TAGAP: variants seen among roughly 807,000 people sequenced by gnomAD.
TAGAP encodes T cell activation RhoGTPase activating protein.
TAGAP carries 16 observed loss-of-function variants against 36.0 expected under a neutral mutation model. The observed-to-expected ratio is 0.44, with a 90% CI of 0.30 to 0.68. TAGAP has a LOEUF of 0.68. Ranked by LOEUF, TAGAP falls within the 30% of genes least tolerant of loss-of-function variation. The pLI is 0.09. For synonymous variants in TAGAP, 372 were observed against 377.4 expected (o/e 0.99, Z 0.17); for missense variants, 794 against 921.5 (o/e 0.86, Z 1.79).
chr6:159,040,687 G>A lies in TAGAP; in HGVS notation c.587+36C>T, dbSNP rs767692384. 3.3e-6 allele frequency: 5 copies of A among 1,520,422 alleles called. No homozygotes were observed. The African/African-American group carries it at 5.5e-5, about 17-fold the overall frequency. The allele number at this position is 1,520,422 out of a possible 1,614,324, so 94.2% of individuals were successfully genotyped here. On this transcript the variant is annotated intron_variant, in intron 7 of 9. Transcript: ENST00000367066. ...TAAAGAATCAAAAGACGGAGGTGAT[G>A]TGGCCTGGCAATGACCGATGACTTT...
intron 3 of TAGAP, 32 bp from the exon 4 acceptor site, chr6:159,043,687 T>A: frequency 6.3e-7 from 1 of 1,597,428 alleles, no homozygotes; most frequent in Non-Finnish European, 8.6e-7. Context: ...TTAAATATAG[T>A]GACTGAAGAA....
chr6:159,034,609 A>G lies in TAGAP; in HGVS notation c.*1218T>C, dbSNP rs1226764049. On this transcript the variant is annotated 3_prime_UTR_variant, in exon 10 of 10. Transcript: ENST00000367066. ...AGCTCTAATACAGTACAAACATTTT[A>G]CCATTATGTTTGCCAATAATTAAGC... 1 of 152,242 alleles carries G rather than the reference A, an allele frequency of 6.6e-6. No homozygotes were observed. The highest frequency in any genetic ancestry group is 1.9e-4 in the East Asian group (1 of 5,196). 9.4% of individuals were successfully genotyped at this position (152,242 alleles called of 1,614,324 possible).
At chr6:159,039,340 A>T (rs755443532) in intron 7 of TAGAP, 31 bp from the exon 8 acceptor site, 1 of 1,602,980 alleles carries the variant, frequency 6.2e-7, no homozygotes, top group Non-Finnish European at 8.5e-7. Flanking sequence ...GTTAGTTTTC[A>T]AAAAGGCTAA....
At chr6:159,044,761 TTATAA>T in intron 1 of TAGAP, 113 bp downstream of exon 1, 1 of 393,254 alleles carries the variant, frequency 2.5e-6, no homozygotes, top group East Asian at 3.6e-5. Context: ...TCCTGAGACT[TTATAA>T]AGTGAGAGCA....
chr6:159,035,614 A>C lies in TAGAP; in HGVS notation c.*213T>G. On this transcript the variant is annotated 3_prime_UTR_variant, in exon 10 of 10. Transcript: ENST00000367066. ...GCACCTAACACCTTATCTATAATAC[A>C]TTTGATACATTTTTACATATTGCAC... The C allele has an allele frequency of 1.9e-6, 1 of 522,140 alleles. No individual in the cohort carries two copies. Among genetic ancestry groups the C allele is most frequent in the Non-Finnish European group, 3.4e-6 (1 of 294,180 alleles). The allele number at this position is 522,140 out of a possible 1,614,324, so 32.3% of individuals were successfully genotyped here.
intron 1 of TAGAP, 63 bp downstream of exon 1, chr6:159,044,815 GA>G: frequency 2.5e-6 from 1 of 397,476 alleles, no homozygotes; most frequent in Non-Finnish European, 4.4e-6. Flanking sequence ...CCTGTGATCT[GA>G]GTGACCTGTG....
Position 159,041,503 on chromosome 6 carries a change from T to C in TAGAP, c.328A>G (p.Ile110Val), listed in dbSNP as rs752195559. The C allele has an allele frequency of 1.9e-6, 3 of 1,613,732 alleles. No individual in the cohort carries two copies. Among genetic ancestry groups the C allele is most frequent in the Admixed American group, 3.3e-5 (2 of 59,924 alleles). Residue 110 changes from isoleucine (I) to valine (V), a missense_variant, in exon 6 of 10, where the codon ATT (isoleucine) becomes GTT (valine). Ile to Val is a conservative substitution (Grantham distance 29). Transcript: ENST00000367066. This position sits in a 1 kb window ranked among gnomAD's most constrained non-coding sequence, Gnocchi z 4.1. ...GTTGAAGGGCCTTTAAGGCATAGAA[T>C]AGTGAGAATGTCCTAAAGGAAACAG... ...LPRPIQDILT[I>V]LCLKGPSTEG...
In TAGAP at chr6:159,037,218, G is replaced by C. The variant is rs970895972; in HGVS notation, c.899-94C>G. ...TTTTATTTTCATTTTTTGAGATGGA[G>C]TCTCGGTTTGTTGCCCAGGCTGGAG... On this transcript the variant is annotated intron_variant, in intron 9 of 9. Coordinates refer to ENST00000367066, the MANE Select transcript of TAGAP (RefSeq NM_054114.5). This position sits in a 1 kb window ranked among gnomAD's most constrained non-coding sequence, Gnocchi z 5.1. The C allele has an allele frequency of 3.9e-5, 46 of 1,167,392 alleles. No homozygotes were observed. Among genetic ancestry groups the C allele is most frequent in the Non-Finnish European group, 1.0e-5 (9 of 882,910 alleles). The allele number at this position is 1,167,392 out of a possible 1,614,324, so 72.3% of individuals were successfully genotyped here. A position where few individuals can be genotyped will look rare whatever the true frequency, so the allele number is the denominator to read the frequency against.
Position 159,036,117 on chromosome 6 carries a change from G to A in TAGAP, c.1906C>T (p.Pro636Ser), listed in dbSNP as rs193056043. The change falls in exon 10 of 10, where the codon CCT becomes TCT. Residue 636 changes from proline to serine, a missense_variant. Physicochemically the swap from Pro to Ser is moderately conservative, Grantham distance 74. Coordinates refer to ENST00000367066, the MANE Select transcript of TAGAP (RefSeq NM_054114.5). The surrounding 1 kb of genome is among the most constrained non-coding windows in gnomAD (Gnocchi z 4.9). ...TCTACGTGGTGAGCAGGTGGAAGAG[G>A]GGGTAGGAGGCAGTGCGCCTCCAGC... ...RMLEAHCLLP[P>S]LPPAHHVEDS... 5 of 1,613,716 alleles carry A rather than the reference G, an allele frequency of 3.1e-6. No homozygotes were observed. The Admixed American group carries it at 8.3e-5, about 27-fold the overall frequency.
In TAGAP at chr6:159,039,176, T is replaced by C. The variant is rs1266580159; in HGVS notation, c.721A>G (p.Met241Val). 2.5e-6 allele frequency: 4 copies of C among 1,614,160 alleles called. No individual in the cohort carries two copies. Among genetic ancestry groups the C allele is most frequent in the South Asian group, 2.2e-5 (2 of 91,086 alleles). ...CTCTGGTCATTCTCCAGGGTGAGCA[T>C]GTTGGGTCCAATGCAGATGGCCAGA... Reference protein sequence around the residue: ...SNLAICIGPNMLTLENDQSLS... With the variant: ...SNLAICIGPNVLTLENDQSLS... The change falls in exon 8 of 10, where the codon ATG (methionine) becomes GTG (valine). Residue 241 changes from methionine (M) to valine (V), a missense_variant. Transcript: ENST00000367066.
chr6:159,043,085 T>A (rs1229147382), intron 4 of TAGAP: 1 of 154,064 alleles, frequency 6.5e-6, no homozygotes, highest in Non-Finnish European at 1.4e-5. Context: ...CATTTCAGAT[T>A]GGCAAGTGGA....
intron 7 of TAGAP, among the ~76,000 whole-genome samples, chr6:159,040,155 C>T (rs1779695883): frequency 6.6e-6 from 1 of 152,226 alleles, no homozygotes; most frequent in African/African-American, 2.4e-5. Context: ...TAACAGATCA[C>T]ACTTTCCATT....
intron 8 of TAGAP, chr6:159,038,826 TG>T: frequency 9.5e-7 from 1 of 1,054,780 alleles, no homozygotes; most frequent in South Asian, 1.9e-5. Flanking sequence ...TGATAGACTG[TG>T]GTGTACAAAA....
chr6:159,044,337 A>G, intron 1 of TAGAP, 133 bp from the exon 2 acceptor site: 1 of 564,364 alleles, frequency 1.8e-6, no homozygotes. Flanking sequence ...ACTTGCCTTT[A>G]CTTTGGAAAA....
chr6:159,042,377 A>G, intron 4 of TAGAP, 133 bp from the exon 5 acceptor site: 1 of 1,456,422 alleles, frequency 6.9e-7, no homozygotes, highest in South Asian at 1.5e-5. Flanking sequence ...AATAATTTTG[A>G]AAACTTGAGA....
Position 159,037,117 on chromosome 6 carries a change from CGACACATCTGGGG to C in TAGAP, c.899-6_905del. ...CGTAGGCTGAGTCATTCTGCAGGGT[CGACACATCTGGGG>C]GAAGTCAAGCAGCAGTTGAACATTT... On this transcript the variant is annotated splice_acceptor_variant and splice_polypyrimidine_tract_variant and coding_sequence_variant and intron_variant, in exon 10 of 10. Coordinates refer to ENST00000367066, the MANE Select transcript of TAGAP (RefSeq NM_054114.5). LOFTEE classifies it high-confidence loss of function. The surrounding 1 kb of genome is among the most constrained non-coding windows in gnomAD (Gnocchi z 5.1). The C allele has an allele frequency of 6.2e-7, 1 of 1,608,052 alleles. No individual in the cohort carries two copies. The highest frequency in any genetic ancestry group is 8.5e-7 in the Non-Finnish European group (1 of 1,179,322).
rs1367257225 is a variant in TAGAP, at chr6:159,042,124, A to G, written c.269T>C (p.Leu90Ser). 1 of 1,614,232 alleles carries G rather than the reference A, an allele frequency of 6.2e-7. No homozygotes were observed. Among genetic ancestry groups the G allele is most frequent in the East Asian group, 2.2e-5 (1 of 44,888 alleles). ...DLKASLFDQP[L>S]SIICGDSDTL... ...GTCACTGTCACCGCAGATAATTGAC[A>G]AGGGCTGATCAAATAGCGATGCTTT... The change falls in exon 5 of 10, where the codon TTG becomes TCG. Residue 90 changes from leucine to serine, a missense_variant. Leu to Ser is a moderately radical substitution (Grantham distance 145). Coordinates refer to ENST00000367066, the MANE Select transcript of TAGAP (RefSeq NM_054114.5).
rs879294829 is a variant in TAGAP at position 159,044,950 on chromosome 6, C to G, written c.-130G>C. ...AAAGAATGGGAGAAACAGCATAACT[C>G]TCTGCTCCTTCTAGTCCACTGGGAG... is the stretch of plus-strand genomic sequence containing the variant. On this transcript the variant is annotated 5_prime_UTR_variant, in exon 1 of 10. Coordinates refer to ENST00000367066, the MANE Select transcript of TAGAP (RefSeq NM_054114.5). 1 of 398,506 alleles carries G rather than the reference C, an allele frequency of 2.5e-6. No homozygotes were observed. The highest frequency in any genetic ancestry group is 4.4e-6 in the Non-Finnish European group (1 of 226,064). 24.7% of individuals were successfully genotyped at this position (398,506 alleles called of 1,614,324 possible).
intron 4 of TAGAP, 138 bp downstream of exon 4, chr6:159,043,450 AG>A: frequency 1.4e-6 from 1 of 740,054 alleles, no homozygotes; most frequent in South Asian, 1.6e-5. Context: ...CTGCCATTTA[AG>A]GGTTAATGTT....
Sources: allele counts gnomAD v4.1 joint callset (sites outside exome capture counted in the v4.1 genomes callset), GRCh38; gene constraint gnomAD v4.1.1; non-coding constraint Gnocchi (gnomAD v3.1); transcripts MANE v1.5; gene names NCBI Gene and HGNC (gene_info 2026-07-23, HGNC 2026-07-21).